Variants in TOLLIP observed in about 807,000 individuals in gnomAD.
TOLLIP encodes toll-interacting protein.
A neutral mutation model predicts 33.5 loss-of-function variants in TOLLIP; 16 were observed. The observed-to-expected ratio is 0.48, with a 90% CI of 0.32 to 0.72. The LOEUF (loss-of-function observed/expected upper bound fraction) is 0.72, where lower values mean the gene tolerates loss of function less well. TOLLIP is among the 30% of genes least tolerant of loss of function. The pLI, the probability that TOLLIP is intolerant of heterozygous loss-of-function variation, is 0.03. For missense variants in TOLLIP, 325 were observed against 396.6 expected (o/e 0.82, Z 1.53); for synonymous variants, 176 against 163.7 (o/e 1.07, Z -0.57).
intron 1 of TOLLIP, chr11:1,298,147 A>G (rs1043890461): frequency 1.3e-5 from 2 of 152,326 alleles, no homozygotes; most frequent in African/African-American, 4.8e-5. Context: ...ACTAACATAC[A>G]CAGGCCAAAT....
intron 1 of TOLLIP, among the ~76,000 whole-genome samples, chr11:1,307,781 G>A (rs759445552): frequency 2.0e-5 from 3 of 152,176 alleles, no homozygotes; most frequent in Non-Finnish European, 4.4e-5. Context: ...GGCCGTCCAG[G>A]ACCTCTGCCG....
intron 4 of TOLLIP, 94 bp downstream of exon 4, chr11:1,288,530 C>T (rs1177028207): frequency 7.0e-7 from 1 of 1,438,496 alleles, no homozygotes; most frequent in African/African-American, 1.4e-5. Flanking sequence ...TCAGTGCCTC[C>T]AGGAAAGAGA....
chr11:1,292,578 ACCT>A (rs1863983792), intron 2 of TOLLIP, among the ~76,000 whole-genome samples: 1 of 152,090 alleles, frequency 6.6e-6, no homozygotes, highest in Non-Finnish European at 1.5e-5. Context: ...TGCTGAAGTG[ACCT>A]CCTCGATGTT....
intron 1 of TOLLIP, chr11:1,302,574 G>A (rs1043726962): frequency 9.3e-5 from 92 of 985,960 alleles, no homozygotes; most frequent in Non-Finnish European, 1.1e-4. Flanking sequence ...TCCAAAAGCT[G>A]GACCAGTACC....
intron 5 of TOLLIP, among the ~76,000 whole-genome samples, chr11:1,284,673 C>T (rs1564967362): frequency 6.6e-6 from 1 of 152,200 alleles, no homozygotes; most frequent in Non-Finnish European, 1.5e-5. Context: ...TTCTAAGACA[C>T]TGGACACCAC....
In TOLLIP at chr11:1,290,711, T is replaced by C. The variant is rs1276789318; in HGVS notation, c.184-302A>G. On this transcript the variant is annotated intron_variant, in intron 2 of 5. Transcript: ENST00000317204. The surrounding 1 kb of genome is among the most constrained non-coding windows in gnomAD (Gnocchi z 4.9). ...CACTCACCCACCATGAAGGGCGCAC[T>C]CTCTAATGCCCTCCTCAGAAGTGGC... Among the ~76,000 whole-genome samples the C allele has an allele frequency of 6.6e-6, 1 of 152,030 alleles. No homozygotes were observed. The highest frequency in any genetic ancestry group is 2.4e-5 in the African/African-American group (1 of 41,378).
intron 5 of TOLLIP, among the ~76,000 whole-genome samples, chr11:1,285,310 G>C (rs956772538): frequency 2.0e-5 from 3 of 152,212 alleles, no homozygotes; most frequent in Non-Finnish European, 4.4e-5. Flanking sequence ...GGAGAACCAG[G>C]GTGACCACAG....
At chr11:1,306,597 T>C (rs372311105) in intron 1 of TOLLIP, among the ~76,000 whole-genome samples, 2 of 152,224 alleles carry the variant, frequency 1.3e-5, no homozygotes, top group Middle Eastern at 3.4e-3. Context: ...AGGGCTCCTC[T>C]AGGTGCTAGT....
chr11:1,281,007 C>T (rs1332346903), intron 5 of TOLLIP, among the ~76,000 whole-genome samples: 1 of 152,252 alleles, frequency 6.6e-6, no homozygotes, highest in Non-Finnish European at 1.5e-5. Flanking sequence ...TCTCTGTCCA[C>T]TCTGCAGCTC....
intron 2 of TOLLIP, among the ~76,000 whole-genome samples, chr11:1,294,110 C>G (rs1379973586): frequency 6.6e-6 from 1 of 151,368 alleles, no homozygotes; most frequent in Admixed American, 6.6e-5. Context: ...CGAAAGCCCG[C>G]GTGGCTCACA....
rs1864350850 is a variant in TOLLIP at position 1,303,805 on chromosome 11, G to A, written c.33+5661C>T. On this transcript the variant is annotated intron_variant, in intron 1 of 5. Transcript: ENST00000317204. The surrounding 1 kb of genome is among the most constrained non-coding windows in gnomAD (Gnocchi z 4.2). Reference sequence around the variant, plus strand: ...AATCCCAAAACTTTGGGAGGCTGAGGTGGGCGGATCACTTGAGACCAGGAG... The same window carrying A: ...AATCCCAAAACTTTGGGAGGCTGAGATGGGCGGATCACTTGAGACCAGGAG... Among the ~76,000 whole-genome samples, 3 of 152,264 alleles carry A rather than the reference G, an allele frequency of 2.0e-5. No homozygotes were observed. In the South Asian group the frequency reaches 6.2e-4, roughly 31 times the overall value.
chr11:1,281,101 A>T (rs1285534162), intron 5 of TOLLIP, among the ~76,000 whole-genome samples: 1 of 151,422 alleles, frequency 6.6e-6, no homozygotes, highest in Non-Finnish European at 1.5e-5. Flanking sequence ...AGGCTAAAAA[A>T]CCCCCTATAA....
Position 1,295,753 on chromosome 11 carries a change from C to T in TOLLIP, c.75G>A (p.Thr25=), listed in dbSNP as rs772261080. 15 of 1,603,084 alleles carry T rather than the reference C, an allele frequency of 9.4e-6. No homozygotes were observed. Among genetic ancestry groups the T allele is most frequent in the African/African-American group, 2.7e-5 (2 of 74,736 alleles). Reference sequence around the variant, plus strand: ...GGACCTGCCGCTGCTGCTGTGTGGGCGTGATGCGGAGGAAGTCCTGCGGGA... The same window carrying T: ...GGACCTGCCGCTGCTGCTGTGTGGGTGTGATGCGGAGGAAGTCCTGCGGGA... The part of the protein sequence containing the change: ...GELPQDFLRI[T]PTQQQRQVQL... The change falls in exon 2 of 6, where the codon ACG becomes ACA. Residue 25 remains threonine (T), a synonymous_variant. Coordinates refer to ENST00000317204, the MANE Select transcript of TOLLIP (RefSeq NM_019009.4).
rs1011045810 is a variant in TOLLIP at position 1,290,662 on chromosome 11, G to T, written c.184-253C>A. 2.0e-5 allele frequency among the ~76,000 whole-genome samples: 3 copies of T among 152,104 alleles called. No homozygotes were observed. Among genetic ancestry groups the T allele is most frequent in the Non-Finnish European group, 4.4e-5 (3 of 68,016 alleles). The stretch of plus-strand genomic sequence containing the variant: ...GTCCTTGACAGCAGAAACCTACGAC[G>T]CTCACAGACACAGCTGAGGCCGCCA... On this transcript the variant is annotated intron_variant, in intron 2 of 5. Coordinates refer to ENST00000317204, the MANE Select transcript of TOLLIP (RefSeq NM_019009.4). This position sits in a 1 kb window ranked among gnomAD's most constrained non-coding sequence, Gnocchi z 4.9.
At chr11:1,302,500 C>T (rs1564980090) in intron 1 of TOLLIP, 1 of 879,946 alleles carries the variant, frequency 1.1e-6, no homozygotes, top group Non-Finnish European at 1.4e-6. Context: ...AGAAGGAAAA[C>T]TGCAATTCCC....
At chr11:1,285,328 C>G (rs932489572) in intron 5 of TOLLIP, among the ~76,000 whole-genome samples, 17 of 152,382 alleles carry the variant, frequency 1.1e-4, no homozygotes, top group African/African-American at 2.2e-4. Flanking sequence ...CAGGCTCCCC[C>G]CTAGCACCTC....
chr11:1,283,222 A>G (rs563213511), intron 5 of TOLLIP: 115 of 207,790 alleles, frequency 5.5e-4, no homozygotes, highest in African/African-American at 2.6e-3. Flanking sequence ...CCCCGGGGAA[A>G]CTCAGCCCTA....
chr11:1,288,966 G>A (rs1863842307), intron 3 of TOLLIP, among the ~76,000 whole-genome samples, 190 bp from the exon 4 acceptor site: 3 of 152,248 alleles, frequency 2.0e-5, no homozygotes, highest in African/African-American at 7.2e-5. Flanking sequence ...AGCCTCCGTA[G>A]GGGACTTCTT....
At chr11:1,309,130 G>A (rs897814956) in intron 1 of TOLLIP, among the ~76,000 whole-genome samples, 2 of 151,708 alleles carry the variant, frequency 1.3e-5, no homozygotes, top group African/African-American at 4.8e-5. Context: ...TGGGGAGCGG[G>A]GCCTGCCTCC....
Sources: allele counts gnomAD v4.1 joint callset (sites outside exome capture counted in the v4.1 genomes callset), GRCh38; gene constraint gnomAD v4.1.1; non-coding constraint Gnocchi (gnomAD v3.1); transcripts MANE v1.5; gene names NCBI Gene and HGNC (gene_info 2026-07-23, HGNC 2026-07-21).